The following CACNG5 variants were observed in gnomAD, a reference collection of about 807,000 sequenced individuals.
CACNG5 encodes the protein voltage-dependent calcium channel gamma-5 subunit.
A neutral mutation model predicts 24.8 loss-of-function variants in CACNG5; 18 were observed. That is an observed-to-expected ratio of 0.73 (90% CI 0.50 to 1.08). CACNG5 has a LOEUF of 1.08. Ranked by LOEUF, CACNG5 falls within the 50% of genes least tolerant of loss-of-function variation. The pLI is 0.00. For missense variants in CACNG5, 349 were observed against 367.9 expected, an observed-to-expected ratio of 0.95 and a Z score of 0.42; for synonymous variants, 157 against 149.1, an observed-to-expected ratio of 1.05 and a Z score of -0.39.
rs906576545 is a variant in CACNG5 at position 66,889,530 on chromosome 17, A to C, written c.*4290A>C. On this transcript the variant is annotated 3_prime_UTR_variant, in exon 6 of 6. Coordinates refer to ENST00000533854, the MANE Select transcript of CACNG5 (RefSeq NM_145811.3). ...CAGAAAAACAGAATCAACAGGATGA[A>C]TATATAGAGAGAGAAAGATTTATTT... is the stretch of plus-strand genomic sequence containing the variant. Among the ~76,000 whole-genome samples, 1 of 152,182 alleles carries C rather than the reference A, an allele frequency of 6.6e-6. No homozygotes were observed. The highest frequency in any genetic ancestry group is 2.4e-5 in the African/African-American group (1 of 41,440).
intron 1 of CACNG5, among the ~76,000 whole-genome samples, chr17:66,844,123 G>GT (rs1568061687): frequency 6.6e-6 from 1 of 152,126 alleles, no homozygotes; most frequent in East Asian, 1.9e-4. Flanking sequence ...AGTAATGCTA[G>GT]GAGCTAATAC....
chr17:66,870,590 A>T (rs984288745), intron 1 of CACNG5, among the ~76,000 whole-genome samples: 13 of 152,292 alleles, frequency 8.5e-5, no homozygotes, highest in African/African-American at 3.1e-4. Context: ...TGGTGGTCCC[A>T]GGGTGTCAGG....
intron 1 of CACNG5, among the ~76,000 whole-genome samples, chr17:66,857,926 C>T (rs1976803838): frequency 6.6e-6 from 1 of 152,126 alleles, no homozygotes; most frequent in Non-Finnish European, 1.5e-5. Flanking sequence ...TTTTAAATCC[C>T]CCCAGATGAC....
chr17:66,879,115 AG>A (rs1362972466), intron 3 of CACNG5, 57 bp downstream of exon 3: 1 of 1,276,062 alleles, frequency 7.8e-7, no homozygotes, highest in Non-Finnish European at 1.1e-6. Context: ...GGAGCAAGGC[AG>A]AGGGAAGAGT....
intron 1 of CACNG5, among the ~76,000 whole-genome samples, chr17:66,856,649 C>G (rs772366351): frequency 6.6e-6 from 1 of 150,850 alleles, no homozygotes; most frequent in Non-Finnish European, 1.5e-5. Flanking sequence ...TCAAGCAATT[C>G]TCCTGTCTCA....
rs1977293944 is a variant in CACNG5 at position 66,888,422 on chromosome 17, T to C, written c.*3182T>C. ...AGCTGGGCGTGGTGGTGGGAGCCTG[T>C]AGTCCCAGCTACTTGGGAGGCTGAA... On this transcript the variant is annotated 3_prime_UTR_variant, in exon 6 of 6. Transcript: ENST00000533854. 1.3e-5 allele frequency among the ~76,000 whole-genome samples: 2 copies of C among 151,088 alleles called. No individual in the cohort carries two copies. The highest frequency in any genetic ancestry group is 1.9e-4 in the East Asian group (1 of 5,132).
chr17:66,867,874 TC>T (rs1190003841), intron 1 of CACNG5, among the ~76,000 whole-genome samples: 3 of 152,186 alleles, frequency 2.0e-5, no homozygotes, highest in African/African-American at 7.2e-5. Context: ...ATTACTATAG[TC>T]TTGTAGTATA....
intron 1 of CACNG5, among the ~76,000 whole-genome samples, chr17:66,876,869 G>C (rs546870884): frequency 1.3e-5 from 2 of 152,150 alleles, no homozygotes; most frequent in Non-Finnish European, 2.9e-5. Context: ...TCAATAGGTC[G>C]CATTTAATTG....
Position 66,889,952 on chromosome 17 carries a change from C to T in CACNG5, c.*4712C>T, listed in dbSNP as rs963518979. Among the ~76,000 whole-genome samples the T allele has an allele frequency of 2.0e-5, 3 of 152,184 alleles. No individual in the cohort carries two copies. Among genetic ancestry groups the T allele is most frequent in the African/African-American group, 7.2e-5 (3 of 41,432 alleles). On this transcript the variant is annotated 3_prime_UTR_variant, in exon 6 of 6. Transcript: ENST00000533854. The stretch of plus-strand genomic sequence containing the variant: ...CGGAGGCCGGGGGAGCCACATTCCA[C>T]CTAAGGCCTGAGCAAATTGGCACCT...
chr17:66,888,543 C>CAA lies in CACNG5; in HGVS notation c.*3325_*3326dup, dbSNP rs770809783. 0.016 allele frequency among the ~76,000 whole-genome samples: 955 copies of CAA among 59,584 alleles called. No homozygotes were observed. The highest frequency in any genetic ancestry group is 0.021 in the Non-Finnish European group (617 of 29,884). 39.1% of individuals were successfully genotyped at this position (59,584 alleles called of 152,430 possible). A position where few individuals can be genotyped will look rare whatever the true frequency, so the allele number is the denominator to read the frequency against. Reference sequence around the variant, plus strand: ...TGGGTGACAGAGCGAGACTCCGTCTCAAAAAAAAAAAAAAAAAAAAAAAGA... The same window carrying CAA: ...TGGGTGACAGAGCGAGACTCCGTCTCAAAAAAAAAAAAAAAAAAAAAAAAAGA... On this transcript the variant is annotated 3_prime_UTR_variant, in exon 6 of 6. Coordinates refer to ENST00000533854, the MANE Select transcript of CACNG5 (RefSeq NM_145811.3).
Position 66,893,048 on chromosome 17 carries a change from C to T in CACNG5, c.*7808C>T, listed in dbSNP as rs944421011. On this transcript the variant is annotated 3_prime_UTR_variant, in exon 6 of 6. Transcript: ENST00000533854. ...TCCTTGGCACATAATAGGTATTTTGCAAGCATTATCTCATGTAACCCTTTC... is the reference window on the plus strand; with the variant it reads ...TCCTTGGCACATAATAGGTATTTTGTAAGCATTATCTCATGTAACCCTTTC... Among the ~76,000 whole-genome samples the T allele has an allele frequency of 2.0e-5, 3 of 152,134 alleles. No individual in the cohort carries two copies. Among genetic ancestry groups the T allele is most frequent in the African/African-American group, 7.2e-5 (3 of 41,428 alleles).
chr17:66,871,986 G>A (rs969673189), intron 1 of CACNG5, among the ~76,000 whole-genome samples: 5 of 152,292 alleles, frequency 3.3e-5, no homozygotes, highest in Non-Finnish European at 4.4e-5. Flanking sequence ...CTGCACTTTT[G>A]TATACAAGGA....
At chr17:66,841,627 C>G (rs538907574) in intron 1 of CACNG5, among the ~76,000 whole-genome samples, 3 of 152,182 alleles carry the variant, frequency 2.0e-5, no homozygotes, top group Non-Finnish European at 2.9e-5. Context: ...GGAATCTTCT[C>G]AGGGGGCTGC....
In CACNG5 at chr17:66,893,313, C is replaced by A. The variant is rs1395192393; in HGVS notation, c.*8073C>A. Reference sequence around the variant, plus strand: ...GAAGGAAAGGTCTAAATGCAAACAACGGTGATGTGTCGTTTCCTGAAAGCC... The same window carrying A: ...GAAGGAAAGGTCTAAATGCAAACAAAGGTGATGTGTCGTTTCCTGAAAGCC... On this transcript the variant is annotated 3_prime_UTR_variant, in exon 6 of 6. Transcript: ENST00000533854. Among the ~76,000 whole-genome samples, 2 of 152,136 alleles carry A rather than the reference C, an allele frequency of 1.3e-5. No individual in the cohort carries two copies. The highest frequency in any genetic ancestry group is 4.8e-5 in the African/African-American group (2 of 41,436).
At chr17:66,872,521 G>A (rs933057601) in intron 1 of CACNG5, among the ~76,000 whole-genome samples, 1 of 152,196 alleles carries the variant, frequency 6.6e-6, no homozygotes, top group Non-Finnish European at 1.5e-5. Context: ...TGATGATGGT[G>A]TTCTAAGAGT....
At chr17:66,882,549 G>A (rs1009309004) in intron 4 of CACNG5, among the ~76,000 whole-genome samples, 6 of 152,134 alleles carry the variant, frequency 3.9e-5, no homozygotes, top group Non-Finnish European at 8.8e-5. Context: ...ATAAAGGTGG[G>A]CTCTTTCTCC....
At chr17:66,859,487 G>T (rs918805652) in intron 1 of CACNG5, among the ~76,000 whole-genome samples, 17 of 152,152 alleles carry the variant, frequency 1.1e-4, no homozygotes, top group African/African-American at 4.1e-4. Context: ...TTATAGAAGC[G>T]CATCACAGTG....
rs1356598062 is a variant in CACNG5, at chr17:66,888,782, T to A, written c.*3542T>A. Among the ~76,000 whole-genome samples the A allele has an allele frequency of 6.6e-6, 1 of 151,674 alleles. No individual in the cohort carries two copies. The highest frequency in any genetic ancestry group is 1.5e-5 in the Non-Finnish European group (1 of 67,906). ...GGAAAGTCTCTGGTCAGAGAAGAGGTTATCTTGGGGCTGACATCTCTCTGG... is the reference window on the plus strand; with the variant it reads ...GGAAAGTCTCTGGTCAGAGAAGAGGATATCTTGGGGCTGACATCTCTCTGG... On this transcript the variant is annotated 3_prime_UTR_variant, in exon 6 of 6. Coordinates refer to ENST00000533854, the MANE Select transcript of CACNG5 (RefSeq NM_145811.3).
At position 66,877,361 on chromosome 17, in the gene CACNG5, C is replaced by T. The variant is rs1350045869; in HGVS notation, c.29C>T (p.Thr10Ile). The T allele has an allele frequency of 1.3e-5, 21 of 1,614,110 alleles. No homozygotes were observed. Among genetic ancestry groups the T allele is most frequent in the Non-Finnish European group, 1.8e-5 (21 of 1,179,984 alleles). The change falls in exon 2 of 6, where the codon ACC becomes ATC. Residue 10 changes from threonine to isoleucine, a missense_variant. Physicochemically the swap from Thr to Ile is moderately conservative, Grantham distance 89. Coordinates refer to ENST00000533854, the MANE Select transcript of CACNG5 (RefSeq NM_145811.3). ...AGTGCCTGCGGGAGGAAGGCCCTGA[C>T]CCTGCTGAGCAGTGTCTTTGCTGTC... MSACGRKAL[T>I]LLSSVFAVCG...
Sources: gnomAD v4.1 joint callset for allele counts (sites outside exome capture counted in the v4.1 genomes callset) on GRCh38, gnomAD v4.1.1 for gene constraint, MANE v1.5 for transcripts, NCBI Gene and HGNC (gene_info 2026-07-23, HGNC 2026-07-21) for gene names.